NDUFAF2: variants seen among roughly 807,000 people sequenced by gnomAD.
The protein encoded by NDUFAF2 is NADH:ubiquinone oxidoreductase complex assembly factor 2, also known as NADH dehydrogenase [ubiquinone] 1 alpha subcomplex assembly factor 2.
NDUFAF2 carries 13 observed loss-of-function variants against 22.8 expected under a neutral mutation model. The ratio of observed to expected loss-of-function variants is 0.57; its 90% confidence interval spans 0.37 to 0.91. The LOEUF is 0.91. Among genes scored for constraint, NDUFAF2 ranks in the 40% least tolerant of loss-of-function variants. NDUFAF2 has a pLI of 0.01. For missense variants in NDUFAF2, 162 were observed against 195.2 expected (o/e 0.83, Z 1.01); for synonymous variants, 53 against 64.2 (o/e 0.83, Z 0.84).
intron 3 of NDUFAF2, among the ~76,000 whole-genome samples, chr5:61,126,303 C>G (rs948217001): frequency 6.6e-6 from 1 of 151,722 alleles, no homozygotes; most frequent in African/African-American, 2.4e-5. Context: ...TGTCTTCAAA[C>G]TGTTTCTAGC....
chr5:61,031,054 A>G (rs1255155856), intron 1 of NDUFAF2, among the ~76,000 whole-genome samples: 1 of 152,146 alleles, frequency 6.6e-6, no homozygotes. Flanking sequence ...TTAGTTTTAT[A>G]TAGACTCCTT....
At chr5:61,140,725 A>G (rs1741040253) in intron 3 of NDUFAF2, among the ~76,000 whole-genome samples, 1 of 152,224 alleles carries the variant, frequency 6.6e-6, no homozygotes, top group Admixed American at 6.5e-5. Context: ...ACACTGCATT[A>G]CAAGATTCAG....
intron 3 of NDUFAF2, among the ~76,000 whole-genome samples, chr5:61,106,464 C>T (rs1399414854): frequency 4.6e-5 from 7 of 151,366 alleles, no homozygotes; most frequent in Non-Finnish European, 5.9e-5. Context: ...TATTTTGATA[C>T]GTGCATACAA....
At chr5:60,968,245 A>T (rs987862298) in intron 1 of NDUFAF2, among the ~76,000 whole-genome samples, 1 of 151,728 alleles carries the variant, frequency 6.6e-6, no homozygotes, top group Admixed American at 6.6e-5. Flanking sequence ...AGTCTATCTA[A>T]AGGTTTGACC....
intron 1 of NDUFAF2, among the ~76,000 whole-genome samples, chr5:61,055,770 A>C (rs1029906283): frequency 1.3e-5 from 2 of 152,222 alleles, no homozygotes; most frequent in African/African-American, 4.8e-5. Flanking sequence ...CTGTTTTTGT[A>C]GTATAGGAGG....
chr5:61,091,199 A>G (rs1433764081), intron 2 of NDUFAF2, among the ~76,000 whole-genome samples: 2 of 152,164 alleles, frequency 1.3e-5, no homozygotes, highest in African/African-American at 4.8e-5. Context: ...CTAGGTTTAT[A>G]CCCAGTAATG....
Position 61,115,308 on chromosome 5 carries a change from C to A in NDUFAF2, c.258+16276C>A, listed in dbSNP as rs79926751. 2.6e-3 allele frequency: 399 copies of A among 152,414 alleles called. 16 individuals are homozygous for A. The East Asian group carries it at 0.072, about 28-fold the overall frequency. 9.4% of individuals were successfully genotyped at this position (152,414 alleles called of 1,614,324 possible). ...CAGGCCTAGGACTCTCCCTTCAGGG[C>A]AGTGGGCTTTCTTCTGGCCCAGGGC... On this transcript the variant is annotated intron_variant, in intron 3 of 3. Transcript: ENST00000296597.
At chr5:60,973,135 T>G (rs1057308387) in intron 1 of NDUFAF2, among the ~76,000 whole-genome samples, 14 of 152,182 alleles carry the variant, frequency 9.2e-5, no homozygotes, top group African/African-American at 3.1e-4. Flanking sequence ...GACTTAGATC[T>G]CTAATTAAAG....
At chr5:61,112,657 G>A (rs1752859429) in intron 3 of NDUFAF2, among the ~76,000 whole-genome samples, 2 of 152,124 alleles carry the variant, frequency 1.3e-5, no homozygotes, top group Non-Finnish European at 2.9e-5. Context: ...TATACGTGGT[G>A]TGTTTCTTGT....
intron 3 of NDUFAF2, among the ~76,000 whole-genome samples, chr5:61,127,885 C>G (rs1484823631): frequency 6.6e-6 from 1 of 152,072 alleles, no homozygotes; most frequent in African/African-American, 2.4e-5. Context: ...GATTGTATAT[C>G]TAGAAAACCC....
At chr5:61,147,814 A>G (rs1411766053) in intron 3 of NDUFAF2, among the ~76,000 whole-genome samples, 1 of 151,956 alleles carries the variant, frequency 6.6e-6, no homozygotes, top group Admixed American at 6.6e-5. Flanking sequence ...AATAAGCTGT[A>G]CTCTCGTGCC....
chr5:61,010,309 G>A (rs1561541209), intron 1 of NDUFAF2, among the ~76,000 whole-genome samples: 1 of 152,060 alleles, frequency 6.6e-6, no homozygotes, highest in South Asian at 2.1e-4. Flanking sequence ...ATTACAAGGT[G>A]TCTGGTCTCT....
At chr5:61,149,522 A>T (rs942945266) in intron 3 of NDUFAF2, among the ~76,000 whole-genome samples, 1 of 152,192 alleles carries the variant, frequency 6.6e-6, no homozygotes, top group African/African-American at 2.4e-5. Context: ...ATTGGAAGCA[A>T]CAGTAGAGGT....
intron 3 of NDUFAF2, among the ~76,000 whole-genome samples, chr5:61,144,700 T>C (rs977245258): frequency 6.6e-6 from 1 of 152,170 alleles, no homozygotes; most frequent in African/African-American, 2.4e-5. Context: ...TCAAGTAATC[T>C]AAACTTATCT....
rs975246832 is a variant in NDUFAF2, at chr5:61,097,586, A to G, written c.218-1406A>G. Among the ~76,000 whole-genome samples the G allele has an allele frequency of 2.0e-4, 30 of 152,190 alleles. 1 individual carries two copies. Among genetic ancestry groups the G allele is most frequent in the Non-Finnish European group, 7.3e-5 (5 of 68,032 alleles). On this transcript the variant is annotated intron_variant, in intron 2 of 3. Transcript: ENST00000296597. ...AGAGATAGTGGCTGGTGAATGGATA[A>G]AGCTAAGACTTTAGAGCCAGTTCAA...
At chr5:61,130,728 C>T (rs148995450) in intron 3 of NDUFAF2, among the ~76,000 whole-genome samples, 1 of 152,020 alleles carries the variant, frequency 6.6e-6, no homozygotes, top group African/African-American at 2.4e-5. Context: ...AGCAGTAGGC[C>T]CCAAAAAGGA....
At chr5:60,973,205 A>T (rs557263201) in intron 1 of NDUFAF2, among the ~76,000 whole-genome samples, 1 of 152,264 alleles carries the variant, frequency 6.6e-6, no homozygotes, top group South Asian at 2.1e-4. Context: ...ACTTGGTTGG[A>T]TGCAGCTTAC....
intron 1 of NDUFAF2, among the ~76,000 whole-genome samples, chr5:60,981,684 G>T (rs906065202): frequency 5.3e-5 from 8 of 152,028 alleles, no homozygotes; most frequent in African/African-American, 1.7e-4. Context: ...TTAAAAAGTG[G>T]GGAGACAGTG....
rs191143461 is a variant in NDUFAF2 at position 60,984,516 on chromosome 5, A to G, written c.127+39134A>G. Among the ~76,000 whole-genome samples, 25 of 152,260 alleles carry G rather than the reference A, an allele frequency of 1.6e-4. No homozygotes were observed. In the East Asian group the frequency reaches 3.3e-3, roughly 20 times the overall value. On this transcript the variant is annotated intron_variant, in intron 1 of 3. Coordinates refer to ENST00000296597, the MANE Select transcript of NDUFAF2 (RefSeq NM_174889.5). The stretch of plus-strand genomic sequence containing the variant: ...TGTTTCCAGTTTTTGTCCATTCAGT[A>G]TGATATTGGCTGTGGGTGTGTCATA...
Sources: allele counts gnomAD v4.1 joint callset (sites outside exome capture counted in the v4.1 genomes callset), GRCh38; gene constraint gnomAD v4.1.1; transcripts MANE v1.5; gene names NCBI Gene and HGNC (gene_info 2026-07-23, HGNC 2026-07-21).